MICU2: variants seen among roughly 807,000 people sequenced by gnomAD.
The protein encoded by MICU2 is calcium uptake protein 2, mitochondrial.
In MICU2, 64 loss-of-function variants were observed where a neutral mutation model predicts 60.4. That is an observed-to-expected ratio of 1.06 (90% confidence interval 0.87 to 1.31). MICU2 has a LOEUF of 1.31. Ranked by LOEUF, MICU2 falls within the 50% of genes most tolerant of loss-of-function variation. The probability of loss-of-function intolerance (pLI) is 0.00; values close to 1 mark genes in which losing one functional copy is unlikely to be tolerated. For synonymous variants in MICU2, 201 were observed against 175.0 expected (o/e 1.15, Z -1.17); for missense variants, 569 against 531.0 (o/e 1.07, Z -0.70).
intron 9 of MICU2, among the ~76,000 whole-genome samples, chr13:21,501,513 T>C (rs148336319): frequency 0.055 from 8,374 of 152,222 alleles, 293 homozygotes; most frequent in South Asian, 0.091. Flanking sequence ...CTGCCCGCCT[T>C]GGCCTCCCAA....
intron 1 of MICU2, among the ~76,000 whole-genome samples, chr13:21,567,445 T>A (rs1433690650): frequency 4.0e-5 from 6 of 151,694 alleles, no homozygotes; most frequent in Admixed American, 3.9e-4. Flanking sequence ...GTTACCAGAG[T>A]GACTGAGGAA....
At chr13:21,569,606 C>G (rs931787806) in intron 1 of MICU2, among the ~76,000 whole-genome samples, 2 of 151,816 alleles carry the variant, frequency 1.3e-5, no homozygotes, top group Non-Finnish European at 2.9e-5. Flanking sequence ...TAGGAAGAGA[C>G]AGAACACATA....
intron 1 of MICU2, among the ~76,000 whole-genome samples, chr13:21,603,325 A>G (rs945712815): frequency 6.6e-6 from 1 of 152,168 alleles, no homozygotes; most frequent in Non-Finnish European, 1.5e-5. Context: ...CTTAGAACTT[A>G]TGGTCCACTA....
At chr13:21,526,298 G>A (rs1452781643) in intron 4 of MICU2, among the ~76,000 whole-genome samples, 1 of 151,616 alleles carries the variant, frequency 6.6e-6, no homozygotes, top group Non-Finnish European at 1.5e-5. Context: ...TTTCTCCCTT[G>A]TCTTTTTTGC....
chr13:21,568,995 G>C (rs900529441), intron 1 of MICU2, among the ~76,000 whole-genome samples: 1 of 152,128 alleles, frequency 6.6e-6, no homozygotes, highest in African/African-American at 2.4e-5. Flanking sequence ...ATCTTACTGA[G>C]TTGAAAGGTT....
intron 1 of MICU2, among the ~76,000 whole-genome samples, chr13:21,572,844 C>T (rs983150295): frequency 2.0e-5 from 3 of 151,982 alleles, no homozygotes; most frequent in Non-Finnish European, 4.4e-5. Flanking sequence ...CAGGTCTATA[C>T]ATGGTGATGA....
intron 6 of MICU2, among the ~76,000 whole-genome samples, chr13:21,515,378 G>A (rs1442537239): frequency 3.9e-5 from 6 of 152,028 alleles, no homozygotes; most frequent in African/African-American, 9.7e-5. Flanking sequence ...CACTGTGCCC[G>A]GCCTATAGTT....
chr13:21,494,690 AT>A (rs1403618478), intron 11 of MICU2, among the ~76,000 whole-genome samples: 1 of 151,702 alleles, frequency 6.6e-6, no homozygotes, highest in Non-Finnish European at 1.5e-5. Flanking sequence ...CTAGGCTATG[AT>A]TTTTTTTCCC....
At chr13:21,515,594 AT>A in intron 6 of MICU2, 3 of 435,326 alleles carry the variant, frequency 6.9e-6, no homozygotes, top group South Asian at 4.9e-5. Context: ...AAAAGAAAGC[AT>A]TTTAAAAGAA....
chr13:21,602,790 G>A (rs1888854442), intron 1 of MICU2: 1 of 152,094 alleles, frequency 6.6e-6, no homozygotes, highest in African/African-American at 2.4e-5. Flanking sequence ...TGTTCCTTGA[G>A]TTTTTCGCTA....
Position 21,566,854 on chromosome 13 carries a change from C to T in MICU2, c.301G>A (p.Glu101Lys), listed in dbSNP as rs1887996506. 3.1e-6 allele frequency: 5 copies of T among 1,612,562 alleles called. No homozygotes were observed. The highest frequency in any genetic ancestry group is 4.2e-6 in the Non-Finnish European group (5 of 1,179,500). ...MQFSSLEHEGEYYMTPRDFLF... is the reference protein window; with the variant it reads ...MQFSSLEHEGKYYMTPRDFLF... ...AAGTCTCGTGGTGTCATATAATATT[C>T]TCCTTCATGTTCGAGTGAAGAAAAC... Residue 101 changes from glutamate to lysine, a missense_variant, in exon 2 of 12, where the codon GAA becomes AAA. Coordinates refer to ENST00000382374, the MANE Select transcript of MICU2 (RefSeq NM_152726.3).
chr13:21,596,337 C>A (rs1031495214), intron 1 of MICU2, among the ~76,000 whole-genome samples: 4 of 152,048 alleles, frequency 2.6e-5, no homozygotes, highest in Admixed American at 6.5e-5. Context: ...CACTTCCCCC[C>A]ACATTTCCTT....
intron 4 of MICU2, among the ~76,000 whole-genome samples, chr13:21,528,233 C>T (rs1886903542): frequency 6.6e-6 from 1 of 151,948 alleles, no homozygotes; most frequent in South Asian, 2.1e-4. Context: ...TTTGATAGTT[C>T]TTATATGTGG....
chr13:21,597,371 T>C (rs1440520925), intron 1 of MICU2, among the ~76,000 whole-genome samples: 1 of 152,216 alleles, frequency 6.6e-6, no homozygotes, highest in Non-Finnish European at 1.5e-5. Flanking sequence ...GTGTGTAATT[T>C]AATATATCTG....
intron 11 of MICU2, among the ~76,000 whole-genome samples, chr13:21,493,713 C>T (rs919895893): frequency 2.7e-4 from 40 of 149,280 alleles, no homozygotes; most frequent in African/African-American, 9.6e-4. Flanking sequence ...CCCTTTTTTT[C>T]TGGTGAACTT....
intron 9 of MICU2, among the ~76,000 whole-genome samples, chr13:21,501,268 CT>C (rs1298258740): frequency 2.5e-3 from 359 of 144,796 alleles, no homozygotes; most frequent in Middle Eastern, 0.011. Flanking sequence ...CATATAAAGT[CT>C]TTTTTTTTTT....
intron 4 of MICU2, among the ~76,000 whole-genome samples, chr13:21,532,513 T>C (rs902605933): frequency 6.6e-6 from 1 of 152,234 alleles, no homozygotes; most frequent in Admixed American, 6.5e-5. Context: ...CAGGACTGAC[T>C]AGTGAGCCCC....
chr13:21,593,773 C>A (rs1441561133), intron 1 of MICU2, among the ~76,000 whole-genome samples: 2 of 152,062 alleles, frequency 1.3e-5, no homozygotes, highest in Non-Finnish European at 2.9e-5. Flanking sequence ...CAAAAACAAG[C>A]AATGGGGAAA....
At position 21,512,278 on chromosome 13, in the gene MICU2, CA is replaced by C. The variant is rs554790607; in HGVS notation, c.663+2074del. Among the ~76,000 whole-genome samples the C allele has an allele frequency of 2.3e-4, 35 of 152,060 alleles. No homozygotes were observed. In the South Asian group the frequency reaches 7.1e-3, roughly 31 times the overall value. On this transcript the variant is annotated intron_variant, in intron 7 of 11. Coordinates refer to ENST00000382374, the MANE Select transcript of MICU2 (RefSeq NM_152726.3). ...GGAGAAATATTAAAAGTCCTTTGTC[CA>C]GTTTTTAATTGGGTTGTTAATCACT...
Sources: gnomAD v4.1 joint callset for allele counts (sites outside exome capture counted in the v4.1 genomes callset) on GRCh38, gnomAD v4.1.1 for gene constraint, MANE v1.5 for transcripts, NCBI Gene and HGNC (gene_info 2026-07-23, HGNC 2026-07-21) for gene names.